Variants in ADAMTS19 observed in about 807,000 individuals in gnomAD.
The protein encoded by ADAMTS19 is ADAM metallopeptidase with thrombospondin type 1 motif 19, also known as A disintegrin and metalloproteinase with thrombospondin motifs 19.
Under a neutral mutation model 153.3 loss-of-function variants are expected in ADAMTS19, and 93 were observed. That is an observed-to-expected ratio of 0.61 (90% CI 0.51 to 0.72). The LOEUF is 0.72. ADAMTS19 is among the 30% of genes least tolerant of loss of function. ADAMTS19 has a pLI of 0.00. For synonymous variants in ADAMTS19, 600 were observed against 556.6 expected, an observed-to-expected ratio of 1.08 and a Z score of -1.10; for missense variants, 1,482 against 1,552.1, an observed-to-expected ratio of 0.95 and a Z score of 0.76.
intron 2 of ADAMTS19, among the ~76,000 whole-genome samples, chr5:129,472,314 A>G (rs1750094730): frequency 2.6e-5 from 4 of 152,204 alleles, no homozygotes; most frequent in African/African-American, 9.6e-5. Context: ...GTGGCTCTGA[A>G]AACAGCAGAG....
chr5:129,524,604 T>G, intron 3 of ADAMTS19, among the ~76,000 whole-genome samples: 1 of 123,194 alleles, frequency 8.1e-6, no homozygotes, highest in South Asian at 2.4e-4. Flanking sequence ...TTAAACAAAT[T>G]TACAAGAAAA....
chr5:129,639,088 G>A lies in ADAMTS19; in HGVS notation c.1771-2771G>A, dbSNP rs1581173409. On this transcript the variant is annotated intron_variant, in intron 10 of 22. Transcript: ENST00000274487. ...TGCTGGGTTTTGCATCTCTGTTGTG[G>A]ATTCCTATGCCAAGCATTTTAAGTT... 2.0e-5 allele frequency among the ~76,000 whole-genome samples: 3 copies of A among 152,078 alleles called. No individual in the cohort carries two copies. In the East Asian group the frequency reaches 5.8e-4, roughly 29 times the overall value.
intron 7 of ADAMTS19, among the ~76,000 whole-genome samples, chr5:129,558,055 C>T (rs547800766): frequency 8.8e-6 from 1 of 113,630 alleles, no homozygotes; most frequent in Non-Finnish European, 1.8e-5. Context: ...AAAACACATT[C>T]ATGATAAAAA....
At chr5:129,666,214 T>C (rs1181150673) in intron 16 of ADAMTS19, among the ~76,000 whole-genome samples, 1 of 151,998 alleles carries the variant, frequency 6.6e-6, no homozygotes, top group Non-Finnish European at 1.5e-5. Context: ...TTTAAATATA[T>C]GAAAAAAATA....
chr5:129,479,216 AACAC>A (rs1750330053), intron 2 of ADAMTS19, among the ~76,000 whole-genome samples: 1 of 152,198 alleles, frequency 6.6e-6, no homozygotes, highest in Non-Finnish European at 1.5e-5. Flanking sequence ...AGAGATATAT[AACAC>A]ATTCACATCA....
At chr5:129,584,067 T>C (rs1279078569) in intron 7 of ADAMTS19, among the ~76,000 whole-genome samples, 4 of 152,162 alleles carry the variant, frequency 2.6e-5, no homozygotes, top group Non-Finnish European at 5.9e-5. Context: ...CTTTGGTCTT[T>C]GATGTTGATG....
At chr5:129,527,651 TCTCAAC>T in intron 4 of ADAMTS19, 91 bp from the exon 5 acceptor site, 1 of 387,378 alleles carries the variant, frequency 2.6e-6, no homozygotes, top group Non-Finnish European at 4.7e-6. Context: ...AAAAAAGATG[TCTCAAC>T]TAAATTGAGA....
intron 15 of ADAMTS19, 121 bp from the exon 16 acceptor site, chr5:129,665,378 C>A (rs917573290): frequency 2.8e-6 from 2 of 703,218 alleles, no homozygotes; most frequent in Non-Finnish European, 4.4e-6. Flanking sequence ...TTTTTCTTTA[C>A]GTAAGTACTG....
chr5:129,653,689 G>A (rs1182943672), intron 13 of ADAMTS19, among the ~76,000 whole-genome samples: 1 of 152,152 alleles, frequency 6.6e-6, no homozygotes, highest in Non-Finnish European at 1.5e-5. Context: ...TTGCATTGTA[G>A]TAACAATCCT....
At chr5:129,668,094 C>T (rs929723959) in intron 16 of ADAMTS19, among the ~76,000 whole-genome samples, 7 of 152,124 alleles carry the variant, frequency 4.6e-5, no homozygotes, top group African/African-American at 1.4e-4. Flanking sequence ...ACATCCATTC[C>T]CTGCCTTTTC....
At chr5:129,486,723 G>C (rs1363143) in intron 2 of ADAMTS19, among the ~76,000 whole-genome samples, 22,835 of 151,968 alleles carry the variant, frequency 0.15, 2,271 homozygotes, top group African/African-American at 0.28. Flanking sequence ...TTGCAATGAA[G>C]ATTCTAGCCA....
chr5:129,502,491 C>T (rs1751137263), intron 2 of ADAMTS19, among the ~76,000 whole-genome samples: 1 of 152,186 alleles, frequency 6.6e-6, no homozygotes. Flanking sequence ...TATTTTAAAA[C>T]TCCTGTAATG....
intron 22 of ADAMTS19, among the ~76,000 whole-genome samples, chr5:129,736,434 A>T (rs1314419431): frequency 6.6e-6 from 1 of 152,128 alleles, no homozygotes. Context: ...TCCAGAACAC[A>T]CTGTTTTACA....
At chr5:129,606,258 C>A (rs775104708) in intron 8 of ADAMTS19, among the ~76,000 whole-genome samples, 11 of 152,120 alleles carry the variant, frequency 7.2e-5, no homozygotes, top group Non-Finnish European at 1.2e-4. Flanking sequence ...GGAAATTGCG[C>A]CTGGATAGAA....
intron 7 of ADAMTS19, among the ~76,000 whole-genome samples, chr5:129,585,436 A>G (rs551852392): frequency 4.6e-4 from 70 of 151,812 alleles, no homozygotes; most frequent in African/African-American, 1.7e-3. Flanking sequence ...CACATTTTTA[A>G]TGTGTTCTTT....
Position 129,700,903 on chromosome 5 carries a change from A to G in ADAMTS19, c.2955-485A>G, listed in dbSNP as rs569467752. Among the ~76,000 whole-genome samples the G allele has an allele frequency of 9.8e-5, 14 of 143,310 alleles. No homozygotes were observed. The South Asian group carries it at 3.1e-3, about 32-fold the overall frequency. The allele number at this position is 143,310 out of a possible 152,430, so 94.0% of individuals were successfully genotyped here. A position where few individuals can be genotyped will look rare whatever the true frequency, so the allele number is the denominator to read the frequency against. On this transcript the variant is annotated intron_variant, in intron 19 of 22. Transcript: ENST00000274487. ...TTGCAGAAAACTATTGTGTTTGGTT[A>G]AAAAAAAAAAGGTATAAAGTCTCCA...
intron 11 of ADAMTS19, among the ~76,000 whole-genome samples, chr5:129,647,195 C>T (rs1283651317): frequency 8.4e-6 from 1 of 119,222 alleles, no homozygotes; most frequent in South Asian, 2.9e-4. Context: ...AATGTTTGAA[C>T]TTGATGGGAA....
chr5:129,485,783 T>G (rs952154939), intron 2 of ADAMTS19, among the ~76,000 whole-genome samples: 7 of 152,180 alleles, frequency 4.6e-5, no homozygotes, highest in African/African-American at 1.7e-4. Context: ...TCTAATTGAA[T>G]GTGTTCATTT....
chr5:129,658,377 G>GAGAGAGAGAGAAA (rs1318590344), intron 14 of ADAMTS19, among the ~76,000 whole-genome samples: 2 of 148,210 alleles, frequency 1.3e-5, no homozygotes, highest in African/African-American at 5.2e-5. Flanking sequence ...AAGAGAGAGA[G>GAGAGAGAGAGAAA]GAAGGAAGGA....
Sources: gnomAD v4.1 joint callset for allele counts (sites outside exome capture counted in the v4.1 genomes callset) on GRCh38, gnomAD v4.1.1 for gene constraint, MANE v1.5 for transcripts, NCBI Gene and HGNC (gene_info 2026-07-23, HGNC 2026-07-21) for gene names.